Variants in FSTL5 observed in about 807,000 individuals in gnomAD.
FSTL5 encodes follistatin-related protein 5.
FSTL5 carries 62 observed loss-of-function variants against 89.1 expected under a neutral mutation model. The observed-to-expected ratio is 0.70, with a 90% CI of 0.57 to 0.86. The LOEUF is 0.86. Ranked by LOEUF, FSTL5 falls within the 40% of genes least tolerant of loss-of-function variation. The pLI, the probability that FSTL5 is intolerant of heterozygous loss-of-function variation, is 0.00. For synonymous variants in FSTL5, 383 were observed against 346.2 expected, an observed-to-expected ratio of 1.11 and a Z score of -1.18; for missense variants, 1,057 against 1,001.6, an observed-to-expected ratio of 1.06 and a Z score of -0.75.
At position 161,989,972 on chromosome 4, in the gene FSTL5, T is replaced by A. The variant is rs76846001; in HGVS notation, c.160+43653A>T. Among the ~76,000 whole-genome samples the A allele has an allele frequency of 5.2e-3, 797 of 152,286 alleles. 8 individuals are homozygous for A. Among genetic ancestry groups the A allele is most frequent in the African/African-American group, 0.018 (757 of 41,566 alleles). Reference sequence around the variant, plus strand: ...TGTGTGAATACATTGTCCAAACTCCTAGGACATTTACAATTTAAGTATACC... The same window carrying A: ...TGTGTGAATACATTGTCCAAACTCCAAGGACATTTACAATTTAAGTATACC... On this transcript the variant is annotated intron_variant, in intron 3 of 15. Coordinates refer to ENST00000306100, the MANE Select transcript of FSTL5 (RefSeq NM_020116.5).
rs190716233 is a variant in FSTL5 at position 161,640,736 on chromosome 4, A to G, written c.894+15592T>C. ...TCCAGAAGGAGAAGAAGCAGAGAAA[A>G]TATTTGAAAAAATAATGGCAGAAAA... On this transcript the variant is annotated intron_variant, in intron 7 of 15. Transcript: ENST00000306100. Among the ~76,000 whole-genome samples, 162 of 152,332 alleles carry G rather than the reference A, an allele frequency of 1.1e-3. 1 individual carries two copies. The highest frequency in any genetic ancestry group is 3.7e-3 in the African/African-American group (152 of 41,586).
intron 13 of FSTL5, among the ~76,000 whole-genome samples, chr4:161,469,793 A>G (rs1202575915): frequency 6.6e-6 from 1 of 151,776 alleles, no homozygotes; most frequent in Admixed American, 6.6e-5. Context: ...GCCCACCACC[A>G]CGCCCGGCTA....
At chr4:161,885,743 G>A (rs577245917) in intron 4 of FSTL5, among the ~76,000 whole-genome samples, 14 of 152,044 alleles carry the variant, frequency 9.2e-5, no homozygotes, top group Non-Finnish European at 1.3e-4. Flanking sequence ...GCCACTGTGC[G>A]CAGACCCTGC....
intron 13 of FSTL5, among the ~76,000 whole-genome samples, chr4:161,469,704 C>T (rs1733870617): frequency 2.0e-5 from 3 of 150,542 alleles, no homozygotes; most frequent in African/African-American, 7.3e-5. Context: ...GTGGTGCCAT[C>T]TCGGCTCACT....
chr4:161,972,455 TCTTGC>T (rs1340501485), intron 3 of FSTL5, among the ~76,000 whole-genome samples: 2 of 152,196 alleles, frequency 1.3e-5, no homozygotes, highest in Non-Finnish European at 2.9e-5. Flanking sequence ...GCAGACTTTG[TCTTGC>T]TTGCTTTGCT....
intron 4 of FSTL5, among the ~76,000 whole-genome samples, chr4:161,798,952 A>C (rs1729716560): frequency 6.6e-6 from 1 of 151,716 alleles, no homozygotes; most frequent in Non-Finnish European, 1.5e-5. Flanking sequence ...ATGAGGCGCT[A>C]AGAAGTCGTT....
chr4:162,039,290 GA>G (rs199713815), intron 2 of FSTL5, among the ~76,000 whole-genome samples: 8 of 150,750 alleles, frequency 5.3e-5, no homozygotes, highest in South Asian at 2.1e-4. Context: ...GAGTAATCAG[GA>G]AAAAAAAATC....
At chr4:161,717,678 A>T (rs1023475841) in intron 6 of FSTL5, among the ~76,000 whole-genome samples, 1 of 152,106 alleles carries the variant, frequency 6.6e-6, no homozygotes, top group African/African-American at 2.4e-5. Context: ...TGTAAAAAAA[A>T]CTCAATCTTT....
intron 2 of FSTL5, among the ~76,000 whole-genome samples, chr4:162,053,499 CAT>C (rs1184392822): frequency 2.6e-5 from 4 of 151,620 alleles, no homozygotes; most frequent in South Asian, 2.1e-4. Context: ...ATGTATAAAA[CAT>C]GTGTGCATAA....
intron 4 of FSTL5, among the ~76,000 whole-genome samples, chr4:161,875,255 G>C (rs1732405726): frequency 1.3e-5 from 2 of 152,304 alleles, no homozygotes; most frequent in East Asian, 3.9e-4. Flanking sequence ...AAAAGTGCCA[G>C]AGGCTACTCC....
chr4:162,006,310 C>T (rs1736614753), intron 3 of FSTL5, among the ~76,000 whole-genome samples: 1 of 151,808 alleles, frequency 6.6e-6, no homozygotes, highest in African/African-American at 2.4e-5. Context: ...AACCTAGTCA[C>T]CTAGATCACT....
chr4:161,968,289 T>C (rs966154766), intron 3 of FSTL5, among the ~76,000 whole-genome samples: 3 of 152,080 alleles, frequency 2.0e-5, no homozygotes, highest in Non-Finnish European at 4.4e-5. Context: ...AAGAGAAATA[T>C]GTCTTCATTA....
chr4:161,784,666 G>A (rs1440109213), intron 4 of FSTL5, among the ~76,000 whole-genome samples: 2 of 151,834 alleles, frequency 1.3e-5, no homozygotes, highest in Middle Eastern at 3.2e-3. Context: ...AGGCGGAGGC[G>A]GGTGGATCAC....
chr4:162,017,552 A>G (rs1375308660), intron 3 of FSTL5, among the ~76,000 whole-genome samples: 1 of 152,200 alleles, frequency 6.6e-6, no homozygotes, highest in Non-Finnish European at 1.5e-5. Flanking sequence ...AGTTTAAAGC[A>G]GGCTAATTTT....
chr4:161,893,067 A>C (rs1210724289), intron 4 of FSTL5, among the ~76,000 whole-genome samples: 1 of 152,176 alleles, frequency 6.6e-6, no homozygotes, highest in Non-Finnish European at 1.5e-5. Context: ...AGATGGATGC[A>C]TTTCCTGTGC....
intron 3 of FSTL5, among the ~76,000 whole-genome samples, chr4:161,943,821 C>T (rs556385858): frequency 6.6e-6 from 1 of 152,144 alleles, no homozygotes; most frequent in South Asian, 2.1e-4. Context: ...TCCCAAAGTG[C>T]TAGGATAACA....
chr4:161,962,190 G>A (rs1157739692), intron 3 of FSTL5, among the ~76,000 whole-genome samples: 1 of 151,650 alleles, frequency 6.6e-6, no homozygotes, highest in Non-Finnish European at 1.5e-5. Flanking sequence ...ATTATTCCTA[G>A]TATTATTTAA....
chr4:161,840,064 A>C (rs1402230822), intron 4 of FSTL5, among the ~76,000 whole-genome samples: 1 of 152,184 alleles, frequency 6.6e-6, no homozygotes, highest in Non-Finnish European at 1.5e-5. Flanking sequence ...TAGATTTTTA[A>C]TACTGTTGAT....
chr4:161,446,880 T>A (rs1284431810), intron 15 of FSTL5, among the ~76,000 whole-genome samples: 1 of 151,996 alleles, frequency 6.6e-6, no homozygotes, highest in Non-Finnish European at 1.5e-5. Context: ...TGCAACCACA[T>A]AATTGACTTG....
Sources: gnomAD v4.1 joint callset for allele counts (sites outside exome capture counted in the v4.1 genomes callset) on GRCh38, gnomAD v4.1.1 for gene constraint, MANE v1.5 for transcripts, NCBI Gene and HGNC (gene_info 2026-07-23, HGNC 2026-07-21) for gene names.